The following GMDS variants were observed in gnomAD, a reference collection of about 807,000 sequenced individuals.
GMDS encodes the protein GDP-mannose 4,6 dehydratase.
A neutral mutation model predicts 49.9 loss-of-function variants in GMDS; 20 were observed. The observed-to-expected ratio is 0.40, with a 90% CI of 0.28 to 0.58. The LOEUF is 0.58. Ranked by LOEUF, GMDS falls within the 20% of genes least tolerant of loss-of-function variation. The probability of loss-of-function intolerance (pLI) is 0.42; values close to 1 mark genes in which losing one functional copy is unlikely to be tolerated. For missense variants in GMDS, 362 were observed against 481.4 expected (o/e 0.75, Z 2.32); for synonymous variants, 177 against 178.6 (o/e 0.99, Z 0.07).
At chr6:1,890,169 GGCTAA>G (rs1001560007) in intron 7 of GMDS, among the ~76,000 whole-genome samples, 10 of 151,738 alleles carry the variant, frequency 6.6e-5, no homozygotes, top group African/African-American at 2.4e-4. Flanking sequence ...TTTACAAAGT[GGCTAA>G]GCTGTCTTAC....
In GMDS at chr6:1,708,219, C is replaced by T. The variant is rs137927357; in HGVS notation, c.987+18197G>A. Among the ~76,000 whole-genome samples, 255 of 152,278 alleles carry T rather than the reference C, an allele frequency of 1.7e-3. 3 individuals are homozygous for T. The highest frequency in any genetic ancestry group is 5.5e-3 in the African/African-American group (228 of 41,546). ...CCACAGAAAAGCGTGAAACAAAATG[C>T]GGCATCTGGGTATATCTCAAAGGTA... On this transcript the variant is annotated intron_variant, in intron 9 of 10. Coordinates refer to ENST00000380815, the MANE Select transcript of GMDS (RefSeq NM_001500.4).
At chr6:2,201,297 C>T (rs1363234497) in intron 1 of GMDS, among the ~76,000 whole-genome samples, 1 of 81,380 alleles carries the variant, frequency 1.2e-5, no homozygotes, top group Non-Finnish European at 2.5e-5. Context: ...ACACCACATG[C>T]GCATCCGAGA....
chr6:1,659,609 G>A (rs531537503), intron 9 of GMDS, among the ~76,000 whole-genome samples: 2 of 152,270 alleles, frequency 1.3e-5, no homozygotes, highest in East Asian at 3.9e-4. Context: ...TGGACCAAGG[G>A]CAGATGCCAC....
intron 4 of GMDS, among the ~76,000 whole-genome samples, chr6:2,000,939 G>A (rs887266100): frequency 6.6e-6 from 1 of 152,200 alleles, no homozygotes; most frequent in Non-Finnish European, 1.5e-5. Flanking sequence ...TAGCTGCTAT[G>A]AGTAGCACTG....
chr6:1,626,950 C>G (rs1350635100), intron 9 of GMDS, among the ~76,000 whole-genome samples: 1 of 152,256 alleles, frequency 6.6e-6, no homozygotes, highest in Non-Finnish European at 1.5e-5. Context: ...TTAAACTTCT[C>G]AATTTAGTTT....
chr6:2,172,661 C>T (rs2038223), intron 1 of GMDS, among the ~76,000 whole-genome samples: 16,346 of 151,844 alleles, frequency 0.11, 2,944 homozygotes, highest in African/African-American at 0.37. Flanking sequence ...CACTGCACTC[C>T]AGCCTGGGCG....
chr6:2,222,713 G>C (rs940875906), intron 1 of GMDS, among the ~76,000 whole-genome samples: 1 of 152,218 alleles, frequency 6.6e-6, no homozygotes, highest in Non-Finnish European at 1.5e-5. Flanking sequence ...CAGGCGGTCA[G>C]TAGGCACCAC....
chr6:1,650,054 C>A (rs1763605286), intron 9 of GMDS, among the ~76,000 whole-genome samples: 1 of 152,200 alleles, frequency 6.6e-6, no homozygotes, highest in Non-Finnish European at 1.5e-5. Flanking sequence ...ACTTCCACGG[C>A]CTCAGTTTCT....
intron 7 of GMDS, among the ~76,000 whole-genome samples, chr6:1,831,631 T>C (rs965180176): frequency 6.6e-6 from 1 of 152,234 alleles, no homozygotes; most frequent in Non-Finnish European, 1.5e-5. Flanking sequence ...TGAGGATTCA[T>C]CCGAACACAC....
At chr6:1,984,583 T>C (rs542957068) in intron 4 of GMDS, among the ~76,000 whole-genome samples, 1 of 152,276 alleles carries the variant, frequency 6.6e-6, no homozygotes, top group Admixed American at 6.5e-5. Flanking sequence ...CCTTAACACC[T>C]TGGATCTCTC....
intron 4 of GMDS, among the ~76,000 whole-genome samples, chr6:2,070,415 T>A (rs1281171740): frequency 6.6e-6 from 1 of 151,598 alleles, no homozygotes; most frequent in Non-Finnish European, 1.5e-5. Context: ...ACCTAAAGTA[T>A]AATAATAATA....
chr6:2,175,856 A>C (rs1054882702), intron 1 of GMDS: 1 of 764,816 alleles, frequency 1.3e-6, no homozygotes, highest in Non-Finnish European at 2.3e-6. Context: ...TAAGTTCATG[A>C]ACCCACATAA....
intron 7 of GMDS, among the ~76,000 whole-genome samples, chr6:1,853,372 G>T (rs1757783439): frequency 1.3e-5 from 2 of 150,494 alleles, no homozygotes; most frequent in South Asian, 4.2e-4. Flanking sequence ...CAAAAAATTA[G>T]CCGGGCGTGG....
rs138755210 is a variant in GMDS, at chr6:1,777,227, C to T, written c.772-34641G>A. On this transcript the variant is annotated intron_variant, in intron 7 of 10. Transcript: ENST00000380815. ...GGTGGCAGAAGACATGGAGGGGAGACGCGCTGCTGCGCCTACATAGCACAG... is the reference window on the plus strand; with the variant it reads ...GGTGGCAGAAGACATGGAGGGGAGATGCGCTGCTGCGCCTACATAGCACAG... Among the ~76,000 whole-genome samples, 95 of 152,344 alleles carry T rather than the reference C, an allele frequency of 6.2e-4. 4 individuals carry two copies. The South Asian group carries it at 0.015, about 24-fold the overall frequency.
chr6:1,794,503 G>C (rs1194543841), intron 7 of GMDS, among the ~76,000 whole-genome samples: 1 of 152,222 alleles, frequency 6.6e-6, no homozygotes, highest in Non-Finnish European at 1.5e-5. Flanking sequence ...TCTAGGGACA[G>C]AATCTGAGGT....
chr6:2,208,553 C>T (rs946246180), intron 1 of GMDS, among the ~76,000 whole-genome samples: 2 of 152,110 alleles, frequency 1.3e-5, no homozygotes, highest in African/African-American at 2.4e-5. Flanking sequence ...GCTTGCAGGG[C>T]CACAAAGAGG....
At chr6:1,747,905 G>A (rs898521927) in intron 7 of GMDS, among the ~76,000 whole-genome samples, 1 of 151,958 alleles carries the variant, frequency 6.6e-6, no homozygotes, top group African/African-American at 2.4e-5. Flanking sequence ...TAGATTAAGG[G>A]ACTTTTAGAC....
chr6:2,073,712 C>T (rs1002853097), intron 4 of GMDS, among the ~76,000 whole-genome samples: 3 of 152,208 alleles, frequency 2.0e-5, no homozygotes, highest in African/African-American at 7.2e-5. Context: ...CTACTCTTTA[C>T]TGCCACAAGG....
intron 7 of GMDS, among the ~76,000 whole-genome samples, chr6:1,857,886 T>C (rs1758007419): frequency 6.6e-6 from 1 of 152,174 alleles, no homozygotes; most frequent in South Asian, 2.1e-4. Context: ...TTGTCTATAA[T>C]TATCATCTTG....
Sources: allele counts gnomAD v4.1 joint callset (sites outside exome capture counted in the v4.1 genomes callset), GRCh38; gene constraint gnomAD v4.1.1; transcripts MANE v1.5; gene names NCBI Gene and HGNC (gene_info 2026-07-23, HGNC 2026-07-21).